The following ANK2 variants were observed in gnomAD, a reference collection of about 807,000 sequenced individuals.
ANK2 encodes the protein ankyrin-2.
Under a neutral mutation model 360.5 loss-of-function variants are expected in ANK2, and 83 were observed. The ratio of observed to expected loss-of-function variants is 0.23; its 90% CI spans 0.19 to 0.28. The LOEUF is 0.28. Ranked by LOEUF, ANK2 falls within the 10% of genes least tolerant of loss-of-function variation. The pLI, the probability that ANK2 is intolerant of heterozygous loss-of-function variation, is 1.00. For synonymous variants in ANK2, 1,740 were observed against 1,759.5 expected (o/e 0.99, Z 0.28); for missense variants, 4,201 against 4,795.7 (o/e 0.88, Z 3.66).
Position 113,198,776 on chromosome 4 carries a change from T to C in ANK2, c.286-235T>C, listed in dbSNP as rs1195519679. On this transcript the variant is annotated intron_variant, in intron 3 of 45. Coordinates refer to ENST00000357077, the MANE Select transcript of ANK2 (RefSeq NM_001148.6). ...TTTGATTCATTGAAAATACAGTCAT[T>C]CCGTGTTAACACTAAACCAATATTG... 2.6e-5 allele frequency among the ~76,000 whole-genome samples: 4 copies of C among 152,220 alleles called. No individual in the cohort carries two copies. The South Asian group carries it at 8.3e-4, about 32-fold the overall frequency.
At position 113,101,665 on chromosome 4, in the gene ANK2, G is replaced by A. The variant is rs114403426; in HGVS notation, c.84+51853G>A. On this transcript the variant is annotated intron_variant, in intron 1 of 45. Coordinates refer to ENST00000357077, the MANE Select transcript of ANK2 (RefSeq NM_001148.6). ...TTAGTGGAGTCTGTATTTCTATGGAGAGAAAAAAAAATTCAACAAATAAGA... is the reference window on the plus strand; with the variant it reads ...TTAGTGGAGTCTGTATTTCTATGGAAAGAAAAAAAAATTCAACAAATAAGA... Among the ~76,000 whole-genome samples, 590 of 151,988 alleles carry A rather than the reference G, an allele frequency of 3.9e-3. 3 individuals are homozygous for A. The highest frequency in any genetic ancestry group is 7.0e-3 in the Non-Finnish European group (478 of 67,958).
intron 1 of ANK2, among the ~76,000 whole-genome samples, chr4:113,146,804 A>G (rs1005928762): frequency 6.6e-6 from 1 of 152,180 alleles, no homozygotes; most frequent in Non-Finnish European, 1.5e-5. Context: ...TTTGCATGAA[A>G]ATAAATAGCT....
the ANK2 span, chr4:112,738,560 C>T: frequency 9.6e-6 from 4 of 414,992 alleles, no homozygotes; most frequent in East Asian, 1.1e-4. Flanking sequence ...CTAGCAGGAA[C>T]CTTAACCTAG....
At chr4:113,246,092 G>A (rs769563965) in intron 9 of ANK2, among the ~76,000 whole-genome samples, 27 of 152,272 alleles carry the variant, frequency 1.8e-4, no homozygotes, top group Non-Finnish European at 2.9e-4. Context: ...CACCACACCC[G>A]GCCGGAATGT....
At chr4:113,349,286 TTAAAA>T (rs1272170666) in intron 36 of ANK2, among the ~76,000 whole-genome samples, 4 of 131,384 alleles carry the variant, frequency 3.0e-5, no homozygotes, top group South Asian at 2.1e-4. Flanking sequence ...ATTGGAAAAC[TTAAAA>T]TAATATGTTT....
At chr4:113,265,690 T>C (rs757046505) in intron 14 of ANK2, among the ~76,000 whole-genome samples, 2 of 152,228 alleles carry the variant, frequency 1.3e-5, no homozygotes, top group Non-Finnish European at 2.9e-5. Flanking sequence ...TTACATTGAA[T>C]ACACCAGAAT....
intron 14 of ANK2, among the ~76,000 whole-genome samples, chr4:113,273,000 C>T (rs1432432351): frequency 6.6e-6 from 1 of 152,016 alleles, no homozygotes; most frequent in Admixed American, 6.6e-5. Flanking sequence ...TTTATTCTCC[C>T]AATTCCTCTA....
chr4:112,755,963 G>C, the ANK2 span: 1 of 151,974 alleles, frequency 6.6e-6, no homozygotes, highest in African/African-American at 2.4e-5. Flanking sequence ...TCATTGGCCG[G>C]GCGCAGTGGC....
At position 113,245,854 on chromosome 4, in the gene ANK2, G is replaced by GA. The variant is rs1459379753; in HGVS notation, c.891+3646dup. 1.1e-4 allele frequency among the ~76,000 whole-genome samples: 17 copies of GA among 151,950 alleles called. No homozygotes were observed. In the East Asian group the frequency reaches 3.3e-3, roughly 29 times the overall value. On this transcript the variant is annotated intron_variant, in intron 9 of 45. Transcript: ENST00000357077. ...GTTTTCACTCTTGTCACCCAGGCTG[G>GA]AGTACAATAGTGCGATCTCGGCTCA...
At chr4:112,852,958 G>T (rs2065374297) in intron 1 of ANK2, among the ~76,000 whole-genome samples, 1 of 152,166 alleles carries the variant, frequency 6.6e-6, no homozygotes, top group South Asian at 2.1e-4. Context: ...TTGGAAATTT[G>T]TTGTTATTGT....
intron 1 of ANK2, among the ~76,000 whole-genome samples, chr4:112,879,300 T>G (rs2076081605): frequency 6.6e-6 from 1 of 152,214 alleles, no homozygotes; most frequent in Non-Finnish European, 1.5e-5. Context: ...ATATTGTGGC[T>G]TCTATCCTGT....
chr4:113,334,530 GATTA>G (rs1442330856), intron 29 of ANK2, among the ~76,000 whole-genome samples: 30 of 149,186 alleles, frequency 2.0e-4, no homozygotes, highest in South Asian at 2.1e-4. Flanking sequence ...AAAGTTAATA[GATTA>G]ATTAATCTAT....
At chr4:113,159,784 A>G (rs889341220) in intron 1 of ANK2, among the ~76,000 whole-genome samples, 1 of 150,684 alleles carries the variant, frequency 6.6e-6, no homozygotes, top group Non-Finnish European at 1.5e-5. Context: ...ATTTTTATAT[A>G]TATATATGTA....
At chr4:112,956,515 G>A (rs991400053) in intron 2 of ANK2, among the ~76,000 whole-genome samples, 1 of 152,160 alleles carries the variant, frequency 6.6e-6, no homozygotes, top group Non-Finnish European at 1.5e-5. Flanking sequence ...TCCAACAGTC[G>A]ATCTGATAAT....
intron 1 of ANK2, among the ~76,000 whole-genome samples, chr4:112,892,197 A>T (rs988557835): frequency 1.3e-5 from 2 of 152,132 alleles, no homozygotes; most frequent in Non-Finnish European, 2.9e-5. Context: ...GAAGGAAGGG[A>T]TGGAAATGGA....
intron 1 of ANK2, among the ~76,000 whole-genome samples, chr4:112,894,376 A>G (rs2081106309): frequency 6.6e-6 from 1 of 152,126 alleles, no homozygotes; most frequent in African/African-American, 2.4e-5. Flanking sequence ...TTGACATAAA[A>G]TTTTTGTATT....
chr4:113,329,177 G>T (rs913503881), intron 26 of ANK2, among the ~76,000 whole-genome samples: 3 of 152,172 alleles, frequency 2.0e-5, no homozygotes, highest in East Asian at 3.9e-4. Flanking sequence ...TTGCTGTGTT[G>T]TTTAATTTTT....
intron 1 of ANK2, among the ~76,000 whole-genome samples, chr4:113,163,133 A>C (rs1398566918): frequency 6.6e-6 from 1 of 152,176 alleles, no homozygotes; most frequent in South Asian, 2.1e-4. Flanking sequence ...TCTCTTAAAA[A>C]ATTTTATGTT....
rs569897558 is a variant in ANK2 at position 113,218,553 on chromosome 4, T to C, written c.385-13608T>C. On this transcript the variant is annotated intron_variant, in intron 4 of 45. Coordinates refer to ENST00000357077, the MANE Select transcript of ANK2 (RefSeq NM_001148.6). ...GTATATCTCAGGCGATAAAAAGTGC[T>C]ATACTGCTACCATCTATATTTATTA... Among the ~76,000 whole-genome samples, 428 of 152,240 alleles carry C rather than the reference T, an allele frequency of 2.8e-3. 1 individual carries two copies. Among genetic ancestry groups the C allele is most frequent in the South Asian group, 8.9e-3 (43 of 4,832 alleles).
Sources: gnomAD v4.1 joint callset for allele counts (sites outside exome capture counted in the v4.1 genomes callset) on GRCh38, gnomAD v4.1.1 for gene constraint, MANE v1.5 for transcripts, NCBI Gene and HGNC (gene_info 2026-07-23, HGNC 2026-07-21) for gene names.